CTNNA3: variants seen among roughly 807,000 people sequenced by gnomAD.
CTNNA3 encodes the protein catenin alpha 3, also known as catenin alpha-3.
A neutral mutation model predicts 95.7 loss-of-function variants in CTNNA3; 76 were observed. The observed-to-expected ratio is 0.79, with a 90% CI of 0.66 to 0.96. The LOEUF is 0.96. CTNNA3 is among the 40% of genes least tolerant of loss of function. The pLI is 0.00. For synonymous variants in CTNNA3, 431 were observed against 374.4 expected (o/e 1.15, Z -1.74); for missense variants, 1,191 against 1,089.8 (o/e 1.09, Z -1.31).
intron 7 of CTNNA3, among the ~76,000 whole-genome samples, chr10:66,915,199 A>AG (rs1239705362): frequency 2.0e-5 from 3 of 152,050 alleles, no homozygotes; most frequent in African/African-American, 7.2e-5. Flanking sequence ...AACGAAAAAA[A>AG]AAAAAAAGCA....
chr10:66,588,355 C>T (rs1441154815), intron 10 of CTNNA3, among the ~76,000 whole-genome samples: 3 of 152,112 alleles, frequency 2.0e-5, no homozygotes, highest in Non-Finnish European at 4.4e-5. Flanking sequence ...CTGTTAAGTT[C>T]CTGTGTTGCT....
chr10:67,151,888 C>A (rs1055487138), intron 7 of CTNNA3, among the ~76,000 whole-genome samples: 4 of 152,214 alleles, frequency 2.6e-5, no homozygotes, highest in Non-Finnish European at 5.9e-5. Flanking sequence ...CAGCCATTCC[C>A]CTAGGGGATA....
chr10:66,072,139 AGAC>A (rs2080450502), intron 14 of CTNNA3, among the ~76,000 whole-genome samples: 2 of 152,218 alleles, frequency 1.3e-5, no homozygotes, highest in Admixed American at 1.3e-4. Flanking sequence ...ACCTTATTAT[AGAC>A]ATTGAAATTT....
At chr10:67,170,197 T>C (rs1454789858) in intron 7 of CTNNA3, among the ~76,000 whole-genome samples, 1 of 152,230 alleles carries the variant, frequency 6.6e-6, no homozygotes, top group African/African-American at 2.4e-5. Context: ...TCAGCCATTG[T>C]GGAAAGCAGT....
At chr10:66,309,278 A>G (rs2091973110) in intron 12 of CTNNA3, among the ~76,000 whole-genome samples, 1 of 152,214 alleles carries the variant, frequency 6.6e-6, no homozygotes. Context: ...CCAAAAGTTT[A>G]CCTCAGTGTT....
At chr10:66,641,411 C>T in intron 9 of CTNNA3, among the ~76,000 whole-genome samples, 1 of 152,082 alleles carries the variant, frequency 6.6e-6, no homozygotes, top group East Asian at 1.9e-4. Flanking sequence ...TACACTCTTT[C>T]CATTGAATCT....
Position 66,247,036 on chromosome 10 carries a change from A to C in CTNNA3, c.1884+33434T>G, listed in dbSNP as rs1017660514. On this transcript the variant is annotated intron_variant, in intron 13 of 17. Coordinates refer to ENST00000433211, the MANE Select transcript of CTNNA3 (RefSeq NM_013266.4). ...GTGCACTCCAGCCTGGTGACACAGC[A>C]AGACTCCATCTCAAAAAAAAAAAAA... 2.2e-4 allele frequency among the ~76,000 whole-genome samples: 27 copies of C among 122,564 alleles called. No homozygotes were observed. The South Asian group carries it at 3.3e-3, about 15-fold the overall frequency. 80.4% of individuals were successfully genotyped at this position (122,564 alleles called of 152,430 possible).
intron 5 of CTNNA3, among the ~76,000 whole-genome samples, chr10:67,403,173 C>T (rs1311004614): frequency 6.6e-6 from 1 of 152,218 alleles, no homozygotes; most frequent in African/African-American, 2.4e-5. Context: ...AGCACAGCTG[C>T]TCTATGAAAA....
intron 7 of CTNNA3, among the ~76,000 whole-genome samples, chr10:66,887,987 A>G (rs1451185584): frequency 6.6e-6 from 1 of 152,174 alleles, no homozygotes; most frequent in African/African-American, 2.4e-5. Flanking sequence ...GACTGTGCAG[A>G]TGTGACTAAT....
At chr10:65,970,641 A>G (rs2133268921) in intron 16 of CTNNA3, among the ~76,000 whole-genome samples, 1 of 149,110 alleles carries the variant, frequency 6.7e-6, no homozygotes, top group South Asian at 2.1e-4. Flanking sequence ...TAGATAAAAT[A>G]TATGTACTTT....
intron 10 of CTNNA3, among the ~76,000 whole-genome samples, chr10:66,595,192 A>C (rs1326501214): frequency 1.3e-5 from 2 of 152,104 alleles, no homozygotes; most frequent in Non-Finnish European, 2.9e-5. Flanking sequence ...GAATAGACGC[A>C]TTAAAAAGCA....
At chr10:65,921,583 A>G (rs1564516741) in intron 17 of CTNNA3, among the ~76,000 whole-genome samples, 1 of 152,220 alleles carries the variant, frequency 6.6e-6, no homozygotes, top group African/African-American at 2.4e-5. Context: ...GAGGATTCTA[A>G]GCCTACGTGA....
intron 3 of CTNNA3, among the ~76,000 whole-genome samples, chr10:67,606,307 T>A (rs1464192345): frequency 6.6e-6 from 1 of 152,136 alleles, no homozygotes; most frequent in African/African-American, 2.4e-5. Context: ...TAAGTAAAGA[T>A]CTCAAAAAGA....
At chr10:66,582,802 G>A (rs1209818474) in intron 10 of CTNNA3, among the ~76,000 whole-genome samples, 1 of 151,506 alleles carries the variant, frequency 6.6e-6, no homozygotes, top group African/African-American at 2.4e-5. Context: ...ATTATTTAGA[G>A]GTATGTTTCT....
At chr10:66,181,766 T>C (rs1021899983) in intron 13 of CTNNA3, among the ~76,000 whole-genome samples, 2 of 152,216 alleles carry the variant, frequency 1.3e-5, no homozygotes, top group East Asian at 1.9e-4. Context: ...GGTTTTTGAG[T>C]TGGTATGCTT....
At chr10:66,472,673 T>C (rs1409866664) in intron 11 of CTNNA3, among the ~76,000 whole-genome samples, 2 of 152,018 alleles carry the variant, frequency 1.3e-5, no homozygotes, top group Non-Finnish European at 2.9e-5. Context: ...AAATTAACTA[T>C]AAAAACTCAA....
chr10:67,726,564 A>ATATATTACATATTATATAATATTTAATAT (rs1564841300), intron 1 of CTNNA3, among the ~76,000 whole-genome samples: 1 of 70,836 alleles, frequency 1.4e-5, no homozygotes, highest in Non-Finnish European at 2.3e-5. Context: ...ATAATATAAT[A>ATATATTACATATTATATAATATTTAATAT]TATATTACAT....
At chr10:65,963,560 T>C (rs1286500015) in intron 17 of CTNNA3, among the ~76,000 whole-genome samples, 8 of 152,228 alleles carry the variant, frequency 5.3e-5, no homozygotes, top group Admixed American at 5.2e-4. Context: ...GCCAATGTTG[T>C]ATGGTTTATT....
intron 7 of CTNNA3, among the ~76,000 whole-genome samples, chr10:66,897,416 T>C (rs964105269): frequency 1.3e-5 from 2 of 152,078 alleles, no homozygotes; most frequent in Non-Finnish European, 2.9e-5. Flanking sequence ...CATGAAAATG[T>C]TTCAAATAAT....
Sources: gnomAD v4.1 joint callset for allele counts (sites outside exome capture counted in the v4.1 genomes callset) on GRCh38, gnomAD v4.1.1 for gene constraint, MANE v1.5 for transcripts, NCBI Gene and HGNC (gene_info 2026-07-23, HGNC 2026-07-21) for gene names.